Variants in SZT2 observed in about 807,000 individuals in gnomAD.
SZT2 encodes KICSTOR complex protein SZT2.
Under a neutral mutation model 404.2 loss-of-function variants are expected in SZT2, and 216 were observed. That is an observed-to-expected ratio of 0.53 (90% CI 0.48 to 0.60). The LOEUF (loss-of-function observed/expected upper bound fraction) is 0.60, where lower values mean the gene tolerates loss of function less well. SZT2 is among the 20% of genes least tolerant of loss of function. SZT2 has a pLI of 0.00. For synonymous variants in SZT2, 1,693 were observed against 1,749.9 expected (o/e 0.97, Z 0.81); for missense variants, 3,857 against 4,459.2 (o/e 0.86, Z 3.85).
intron 1 of SZT2, among the ~76,000 whole-genome samples, chr1:43,392,383 A>G (rs952274061): frequency 1.2e-4 from 18 of 151,954 alleles, no homozygotes; most frequent in Non-Finnish European, 2.2e-4. Flanking sequence ...GTCAAGACAC[A>G]CAATCCTGGG....
In SZT2 at chr1:43,439,385, C is replaced by G. The variant is rs753916997; in HGVS notation, c.6820C>G (p.Pro2274Ala). ...QHPLPPQGGL[P>A]DLDIYLYNKP... ...TCCACTCCCACCACAGGGTGGCCTC[C>G]CTGACTTGGACATCTACTTGTATAA... Residue 2274 changes from proline (P) to alanine (A), a missense_variant, in exon 49 of 72, where the codon CCT (proline) becomes GCT (alanine). Coordinates refer to ENST00000634258, the MANE Select transcript of SZT2 (RefSeq NM_001365999.1). This position sits in a 1 kb window ranked among gnomAD's most constrained non-coding sequence, Gnocchi z 4.2. 1.9e-6 allele frequency: 3 copies of G among 1,613,706 alleles called. No homozygotes were observed. The African/African-American group carries it at 4.0e-5, about 22-fold the overall frequency.
intron 10 of SZT2, 55 bp from the exon 11 acceptor site, chr1:43,421,119 C>G: frequency 6.3e-7 from 1 of 1,597,064 alleles, no homozygotes; most frequent in Non-Finnish European, 8.5e-7. Context: ...TAAGGCTCCC[C>G]TCATCTGCAC....
At chr1:43,409,513 GA>G in intron 4 of SZT2, 2 of 391,310 alleles carry the variant, frequency 5.1e-6, no homozygotes, top group Admixed American at 3.2e-5. Flanking sequence ...CTTTTATTTG[GA>G]AAAACCTAAT....
intron 36 of SZT2, 91 bp from the exon 37 acceptor site, chr1:43,432,181 G>C (rs1653974799): frequency 2.2e-6 from 3 of 1,354,638 alleles, no homozygotes; most frequent in Non-Finnish European, 3.0e-6. Flanking sequence ...GCTTTACCAG[G>C]TAGTTAGGAG....
At chr1:43,410,081 A>G (rs1650825000) in intron 4 of SZT2, 1 of 152,240 alleles carries the variant, frequency 6.6e-6, no homozygotes, top group African/African-American at 2.4e-5. Context: ...CCAATGGAAC[A>G]GAATAGAGAA....
In SZT2 at chr1:43,426,183, C is replaced by G; in HGVS notation, c.3043+32C>G. On this transcript the variant is annotated intron_variant, in intron 21 of 71. Coordinates refer to ENST00000634258, the MANE Select transcript of SZT2 (RefSeq NM_001365999.1). The surrounding 1 kb of genome is among the most constrained non-coding windows in gnomAD (Gnocchi z 4.9). The stretch of plus-strand genomic sequence containing the variant: ...GAACCTGGTACCCTTTCACCCCACA[C>G]CTAAAGGGCCAGCAAGCCTGGAAGT... 1.2e-6 allele frequency: 2 copies of G among 1,602,950 alleles called. No individual in the cohort carries two copies. The highest frequency in any genetic ancestry group is 1.7e-6 in the Non-Finnish European group (2 of 1,170,846).
chr1:43,404,901 A>T (rs2153929893), intron 4 of SZT2: 1 of 187,382 alleles, frequency 5.3e-6, no homozygotes, highest in African/African-American at 2.3e-5. Flanking sequence ...GGCTCTGGCT[A>T]GTACCCTCAG....
Position 43,425,379 on chromosome 1 carries a change from C to G in SZT2, c.2646-95C>G, listed in dbSNP as rs1322017866. 11 of 1,562,506 alleles carry G rather than the reference C, an allele frequency of 7.0e-6. No individual in the cohort carries two copies. Among genetic ancestry groups the G allele is most frequent in the Non-Finnish European group, 9.6e-6 (11 of 1,145,656 alleles). The stretch of plus-strand genomic sequence containing the variant: ...GCTGGTCTGGGAAGGCCTTGTATGA[C>G]TCGTGGCTGTCCTCTGTGCCTGCCT... On this transcript the variant is annotated intron_variant, in intron 18 of 71. Transcript: ENST00000634258. This position sits in a 1 kb window ranked among gnomAD's most constrained non-coding sequence, Gnocchi z 4.3.
rs1652242850 is a variant in SZT2 at position 43,420,668 on chromosome 1, G to A, written c.1262-81G>A. ...TGGCAGGACTGGGTTCCATGAGGTA[G>A]GTGGGGGTTTCAGATAGAACTCGAT... On this transcript the variant is annotated intron_variant, in intron 9 of 71. Coordinates refer to ENST00000634258, the MANE Select transcript of SZT2 (RefSeq NM_001365999.1). The surrounding 1 kb of genome is among the most constrained non-coding windows in gnomAD (Gnocchi z 5.1). 1.5e-6 allele frequency: 2 copies of A among 1,353,730 alleles called. No individual in the cohort carries two copies. Among genetic ancestry groups the A allele is most frequent in the Admixed American group, 3.8e-5 (2 of 52,150 alleles). 83.9% of individuals were successfully genotyped at this position (1,353,730 alleles called of 1,614,324 possible). A position where few individuals can be genotyped will look rare whatever the true frequency, so the allele number is the denominator to read the frequency against.
In SZT2 at chr1:43,424,172, A is replaced by C. The variant is rs1414041990; in HGVS notation, c.2256-45A>C. 1.9e-6 allele frequency: 3 copies of C among 1,543,768 alleles called. No homozygotes were observed. The African/African-American group carries it at 4.1e-5, about 21-fold the overall frequency. On this transcript the variant is annotated intron_variant, in intron 15 of 71. Coordinates refer to ENST00000634258, the MANE Select transcript of SZT2 (RefSeq NM_001365999.1). The surrounding 1 kb of genome is among the most constrained non-coding windows in gnomAD (Gnocchi z 4.1). ...ACAGAGGTGTGGAAGGGCGTGGCTT[A>C]GCCGGGGATGAGAGAGATAGCTGGG...
Position 43,415,321 on chromosome 1 carries a change from G to T in SZT2, c.630+108G>T, listed in dbSNP as rs1022965690. ...ATAGGGCAAAAAAGGGCTAAGAGCT[G>T]GGGCAAAATGAGACAAGGATAGGCA... On this transcript the variant is annotated intron_variant, in intron 5 of 71. Coordinates refer to ENST00000634258, the MANE Select transcript of SZT2 (RefSeq NM_001365999.1). The T allele has an allele frequency of 3.6e-6, 5 of 1,387,560 alleles. No homozygotes were observed. In the Admixed American group the frequency reaches 1.1e-4, roughly 30 times the overall value. The allele number at this position is 1,387,560 out of a possible 1,614,324, so 86.0% of individuals were successfully genotyped here. A position where few individuals can be genotyped will look rare whatever the true frequency, so the allele number is the denominator to read the frequency against.
chr1:43,446,343 G>T lies in SZT2; in HGVS notation c.8999G>T (p.Gly3000Val), dbSNP rs1655671731. Reference protein sequence around the residue: ...GIILMELAFQGCYFCVKQFAL... With the variant: ...GIILMELAFQVCYFCVKQFAL... ...ATCTCATCTTCACCTTCCCTCCAGG[G>T]CTGTTACTTCTGTGTCAAACAGTTT... Residue 3000 changes from glycine (G) to valine (V), a missense_variant and splice_region_variant, in exon 65 of 72, where the codon GGC becomes GTC. This residue lies in a region of SZT2 where 717 missense variants were observed against 868.2 expected (regional missense o/e 0.83). Transcript: ENST00000634258. 1 of 1,614,244 alleles carries T rather than the reference G, an allele frequency of 6.2e-7. No homozygotes were observed.
At position 43,452,043 on chromosome 1, in the gene SZT2, G is replaced by C. The variant is rs757239031; in HGVS notation, c.*1563G>C. On this transcript the variant is annotated 3_prime_UTR_variant, in exon 72 of 72. Coordinates refer to ENST00000634258, the MANE Select transcript of SZT2 (RefSeq NM_001365999.1). ...CAGCATGTCGGGTGCTGTGAATAGA[G>C]CTCCTTCCCAAGTTTGTCCCCCATC... The C allele has an allele frequency of 3.8e-6, 6 of 1,586,016 alleles. No homozygotes were observed. The highest frequency in any genetic ancestry group is 5.2e-6 in the Non-Finnish European group (6 of 1,162,154).
chr1:43,452,291 G>A lies in SZT2; in HGVS notation c.*1811G>A. The A allele has an allele frequency of 6.2e-7, 1 of 1,613,986 alleles. No homozygotes were observed. The highest frequency in any genetic ancestry group is 8.5e-7 in the Non-Finnish European group (1 of 1,179,942). On this transcript the variant is annotated 3_prime_UTR_variant, in exon 72 of 72. Transcript: ENST00000634258. ...TTGACTGCTATTCGATCAGCTCCCT[G>A]GGGTACTCGGCCAGCCATCAGGTGG...
Position 43,442,308 on chromosome 1 carries a change from G to T in SZT2, c.7914G>T (p.Gly2638=). Residue 2638 remains glycine, a synonymous_variant, in exon 57 of 72, where the codon GGG becomes GGT. Coordinates refer to ENST00000634258, the MANE Select transcript of SZT2 (RefSeq NM_001365999.1). This position sits in a 1 kb window ranked among gnomAD's most constrained non-coding sequence, Gnocchi z 4.5. ...AMQRFEPGGD[G]SSGRNAPRQR... ...AGCGCTTCGAGCCAGGAGGTGATGGGAGCTCAGGGCGAAATGCTCCCCGGC... is the reference window on the plus strand; with the variant it reads ...AGCGCTTCGAGCCAGGAGGTGATGGTAGCTCAGGGCGAAATGCTCCCCGGC... 6.2e-7 allele frequency: 1 copy of T among 1,614,098 alleles called. No individual in the cohort carries two copies. The highest frequency in any genetic ancestry group is 8.5e-7 in the Non-Finnish European group (1 of 1,179,994).
At chr1:43,410,822 A>G (rs953062537) in intron 4 of SZT2, among the ~76,000 whole-genome samples, 1 of 152,040 alleles carries the variant, frequency 6.6e-6, no homozygotes, top group African/African-American at 2.4e-5. Flanking sequence ...GTCATTTGCT[A>G]TAGCTGCCAG....
At position 43,439,973 on chromosome 1, in the gene SZT2, C is replaced by G; in HGVS notation, c.7135C>G (p.Arg2379Gly). 2.5e-6 allele frequency: 4 copies of G among 1,614,170 alleles called. No homozygotes were observed. The highest frequency in any genetic ancestry group is 3.4e-6 in the Non-Finnish European group (4 of 1,180,014). Reference sequence around the variant, plus strand: ...GGAGGAGAAACTCCGAGGAGCAGCTCGCCAGGCCCTGGCCGATGCCATCAT... The same window carrying G: ...GGAGGAGAAACTCCGAGGAGCAGCTGGCCAGGCCCTGGCCGATGCCATCAT... ...QLEEKLRGAA[R>G]QALADAIIEL... Residue 2379 changes from arginine (R) to glycine (G), a missense_variant, in exon 51 of 72, where the codon CGC (arginine) becomes GGC (glycine). This residue lies in a region of SZT2 where 573 missense variants were observed against 592.4 expected (regional missense o/e 0.97). Transcript: ENST00000634258. The surrounding 1 kb of genome is among the most constrained non-coding windows in gnomAD (Gnocchi z 4.2).
Position 43,443,893 on chromosome 1 carries a change from AT to A in SZT2, c.8825+100del, listed in dbSNP as rs1655378678. On this transcript the variant is annotated intron_variant, in intron 62 of 71. Coordinates refer to ENST00000634258, the MANE Select transcript of SZT2 (RefSeq NM_001365999.1). ...CTCTTTACAAGGTCCTATGTTGACA[AT>A]TTGGGCTGGGCCTGTGCATGTTTAT... The A allele has an allele frequency of 1.4e-4, 204 of 1,491,586 alleles. 1 individual carries two copies. The South Asian group carries it at 2.5e-3, about 18-fold the overall frequency. 92.4% of individuals were successfully genotyped at this position (1,491,586 alleles called of 1,614,324 possible).
In SZT2 at chr1:43,420,658, C is replaced by T; in HGVS notation, c.1262-91C>T. Reference sequence around the variant, plus strand: ...TTGGAACCTTTGGCAGGACTGGGTTCCATGAGGTAGGTGGGGGTTTCAGAT... The same window carrying T: ...TTGGAACCTTTGGCAGGACTGGGTTTCATGAGGTAGGTGGGGGTTTCAGAT... On this transcript the variant is annotated intron_variant, in intron 9 of 71. Coordinates refer to ENST00000634258, the MANE Select transcript of SZT2 (RefSeq NM_001365999.1). The surrounding 1 kb of genome is among the most constrained non-coding windows in gnomAD (Gnocchi z 5.1). The T allele has an allele frequency of 1.6e-6, 2 of 1,275,632 alleles. No homozygotes were observed. The highest frequency in any genetic ancestry group is 2.2e-6 in the Non-Finnish European group (2 of 919,808). 79.0% of individuals were successfully genotyped at this position (1,275,632 alleles called of 1,614,324 possible). A position where few individuals can be genotyped will look rare whatever the true frequency, so the allele number is the denominator to read the frequency against.
Sources: allele counts gnomAD v4.1 joint callset (sites outside exome capture counted in the v4.1 genomes callset), GRCh38; gene constraint gnomAD v4.1.1; regional missense constraint gnomAD v4.1.1; non-coding constraint Gnocchi (gnomAD v3.1); transcripts MANE v1.5; gene names NCBI Gene and HGNC (gene_info 2026-07-23, HGNC 2026-07-21).